Variants in KCNJ3 observed in about 807,000 individuals in gnomAD.
KCNJ3 encodes the protein potassium inwardly rectifying channel subfamily J member 3.
In KCNJ3, 4 loss-of-function variants were observed where a neutral mutation model predicts 39.2. The ratio of observed to expected loss-of-function variants is 0.10; its 90% confidence interval spans 0.05 to 0.23. The LOEUF (loss-of-function observed/expected upper bound fraction) is 0.23, where lower values mean the gene tolerates loss of function less well. Ranked by LOEUF, KCNJ3 falls within the 10% of genes least tolerant of loss-of-function variation. The pLI, the probability that KCNJ3 is intolerant of heterozygous loss-of-function variation, is 1.00. For missense variants in KCNJ3, 276 were observed against 634.9 expected (o/e 0.43, Z 6.08); for synonymous variants, 230 against 237.4 (o/e 0.97, Z 0.29).
chr2:154,718,011 T>C (rs891970725), intron 2 of KCNJ3, among the ~76,000 whole-genome samples: 2 of 152,120 alleles, frequency 1.3e-5, no homozygotes, highest in Admixed American at 6.5e-5. Flanking sequence ...AAGTCAGGGG[T>C]ATCATGTTTA....
chr2:154,796,078 T>G (rs1027427520), intron 2 of KCNJ3, among the ~76,000 whole-genome samples: 1 of 152,072 alleles, frequency 6.6e-6, no homozygotes, highest in Non-Finnish European at 1.5e-5. Flanking sequence ...ATAACATGAG[T>G]GATAGATTAA....
chr2:154,794,515 A>G (rs1161246551), intron 2 of KCNJ3, among the ~76,000 whole-genome samples: 1 of 152,010 alleles, frequency 6.6e-6, no homozygotes, highest in Non-Finnish European at 1.5e-5. Flanking sequence ...AGCAGCATGC[A>G]ATATGTTGCA....
At chr2:154,847,514 A>G (rs1687681111) in intron 2 of KCNJ3, among the ~76,000 whole-genome samples, 2 of 152,162 alleles carry the variant, frequency 1.3e-5, no homozygotes, top group African/African-American at 4.8e-5. Context: ...TATTAAAACA[A>G]CTGCCAATTT....
At chr2:154,821,951 ATT>A (rs1191065948) in intron 2 of KCNJ3, among the ~76,000 whole-genome samples, 1 of 148,104 alleles carries the variant, frequency 6.8e-6, no homozygotes, top group African/African-American at 2.5e-5. Context: ...TGAATATGTG[ATT>A]TTTTTTTTTA....
Position 154,855,987 on chromosome 2 carries a change from A to T in KCNJ3, c.*674A>T, listed in dbSNP as rs1214926386. ...TGTTTAAGGTCTTGGGAGGCTTTCA[A>T]TTGTATTTTATATGAGAGAATCACA... is the stretch of plus-strand genomic sequence containing the variant. On this transcript the variant is annotated 3_prime_UTR_variant, in exon 3 of 3. Coordinates refer to ENST00000295101, the MANE Select transcript of KCNJ3 (RefSeq NM_002239.4). 1 of 152,474 alleles carries T rather than the reference A, an allele frequency of 6.6e-6. No individual in the cohort carries two copies. Among genetic ancestry groups the T allele is most frequent in the Non-Finnish European group, 1.5e-5 (1 of 67,972 alleles). 9.4% of individuals were successfully genotyped at this position (152,474 alleles called of 1,614,324 possible). A position where few individuals can be genotyped will look rare whatever the true frequency, so the allele number is the denominator to read the frequency against.
intron 2 of KCNJ3, among the ~76,000 whole-genome samples, chr2:154,722,722 T>A (rs1244501172): frequency 6.6e-6 from 1 of 152,110 alleles, no homozygotes; most frequent in East Asian, 1.9e-4. Context: ...CTGACTGACC[T>A]TGGAGACAGT....
At chr2:154,736,930 T>A (rs1284140804) in intron 2 of KCNJ3, among the ~76,000 whole-genome samples, 1 of 152,010 alleles carries the variant, frequency 6.6e-6, no homozygotes, top group Non-Finnish European at 1.5e-5. Context: ...TGTCCTTGAG[T>A]TGAGGAGAAC....
chr2:154,751,653 C>A (rs1194018564), intron 2 of KCNJ3, among the ~76,000 whole-genome samples: 4 of 151,920 alleles, frequency 2.6e-5, no homozygotes, highest in Non-Finnish European at 5.9e-5. Flanking sequence ...TTATTTATTT[C>A]TATTATAGTA....
intron 2 of KCNJ3, among the ~76,000 whole-genome samples, chr2:154,829,080 C>G (rs558991289): frequency 5.8e-4 from 88 of 151,994 alleles, no homozygotes; most frequent in African/African-American, 2.1e-3. Flanking sequence ...TCTGTGGGAC[C>G]TCAGAATGGG....
chr2:154,763,270 G>A (rs540332548), intron 2 of KCNJ3, among the ~76,000 whole-genome samples: 1 of 152,244 alleles, frequency 6.6e-6, no homozygotes, highest in East Asian at 1.9e-4. Flanking sequence ...GTGCTGTCAA[G>A]AAGAAATAAA....
chr2:154,815,739 A>G (rs1201204005), intron 2 of KCNJ3, among the ~76,000 whole-genome samples: 1 of 152,198 alleles, frequency 6.6e-6, no homozygotes, highest in African/African-American at 2.4e-5. Context: ...TTCAATTCTT[A>G]ATATTCATTG....
At chr2:154,763,043 G>A (rs1686073142) in intron 2 of KCNJ3, among the ~76,000 whole-genome samples, 2 of 152,192 alleles carry the variant, frequency 1.3e-5, no homozygotes, top group Admixed American at 1.3e-4. Flanking sequence ...CGTGACAACT[G>A]CAACTGTTGT....
intron 1 of KCNJ3, 31 bp from the exon 2 acceptor site, chr2:154,709,572 A>AT: frequency 6.2e-7 from 1 of 1,600,500 alleles, no homozygotes; most frequent in East Asian, 2.2e-5. Context: ...ACAAGTGGTG[A>AT]TTTCTTCTCT....
At chr2:154,817,942 T>G (rs1385816391) in intron 2 of KCNJ3, among the ~76,000 whole-genome samples, 2 of 148,920 alleles carry the variant, frequency 1.3e-5, no homozygotes, top group African/African-American at 2.4e-5. Flanking sequence ...GTCATATTTA[T>G]TAATCAAATA....
At chr2:154,757,393 T>C (rs1043053022) in intron 2 of KCNJ3, among the ~76,000 whole-genome samples, 2 of 152,110 alleles carry the variant, frequency 1.3e-5, no homozygotes, top group Non-Finnish European at 2.9e-5. Context: ...GCTTCTAGAG[T>C]ATCAAAAGGA....
chr2:154,839,657 T>TTTTGA (rs1315889714), intron 2 of KCNJ3, among the ~76,000 whole-genome samples: 1 of 152,192 alleles, frequency 6.6e-6, no homozygotes, highest in Non-Finnish European at 1.5e-5. Context: ...CTCATTGTGG[T>TTTTGA]TTTGATTTGC....
At chr2:154,738,589 A>T in intron 2 of KCNJ3, among the ~76,000 whole-genome samples, 1 of 152,162 alleles carries the variant, frequency 6.6e-6, no homozygotes, top group African/African-American at 2.4e-5. Context: ...TACAAAAAAT[A>T]AAAATTAAAA....
At chr2:154,753,851 A>G (rs183484371) in intron 2 of KCNJ3, among the ~76,000 whole-genome samples, 250 of 152,288 alleles carry the variant, frequency 1.6e-3, no homozygotes, top group Non-Finnish European at 2.6e-3. Flanking sequence ...TTTAGAAAAC[A>G]TATTATTTTG....
At chr2:154,851,419 CT>C (rs1687753686) in intron 2 of KCNJ3, among the ~76,000 whole-genome samples, 1 of 152,166 alleles carries the variant, frequency 6.6e-6, no homozygotes, top group African/African-American at 2.4e-5. Context: ...CAATAAATCA[CT>C]AGTCATTAAC....
Sources: allele counts gnomAD v4.1 joint callset (sites outside exome capture counted in the v4.1 genomes callset), GRCh38; gene constraint gnomAD v4.1.1; transcripts MANE v1.5; gene names NCBI Gene and HGNC (gene_info 2026-07-23, HGNC 2026-07-21).